The following DEFB112 variants were observed in gnomAD, a reference collection of about 807,000 sequenced individuals.
DEFB112 encodes the protein beta-defensin 112.
DEFB112 carries 2 observed loss-of-function variants against 1.1 expected under a neutral mutation model. The ratio of observed to expected loss-of-function variants is 1.85; its 90% confidence interval spans 0.76 to 5.83. The LOEUF is 5.83. DEFB112 is among the 30% of genes most tolerant of loss of function. The pLI, the probability that DEFB112 is intolerant of heterozygous loss-of-function variation, is 0.05. For synonymous variants in DEFB112, 40 were observed against 31.2 expected (o/e 1.28, Z -0.93); for missense variants, 120 against 94.4 (o/e 1.27, Z -1.12).
Position 50,042,936 on chromosome 6 carries a change from A to G in DEFB112, c.*639T>C, listed in dbSNP as rs1030534909. ...AAAACATGAAACAAAGCAAAACAAA[A>G]CAAAAAAGTTAATCATAATTTCACA... On this transcript the variant is annotated 3_prime_UTR_variant, in exon 2 of 2. Transcript: ENST00000651554. Among the ~76,000 whole-genome samples the G allele has an allele frequency of 1.3e-5, 2 of 152,038 alleles. No homozygotes were observed. The highest frequency in any genetic ancestry group is 4.8e-5 in the African/African-American group (2 of 41,440).
At chr6:50,047,303 G>A (rs997368274) in intron 1 of DEFB112, among the ~76,000 whole-genome samples, 1 of 152,172 alleles carries the variant, frequency 6.6e-6, no homozygotes, top group Non-Finnish European at 1.5e-5. Context: ...TGAGGCCATG[G>A]GGGCCTGCTC....
At chr6:50,043,881 A>G (rs1774789855) in intron 1 of DEFB112, 80 bp from the exon 2 acceptor site, 1 of 1,186,482 alleles carries the variant, frequency 8.4e-7, no homozygotes, top group Non-Finnish European at 1.2e-6. Flanking sequence ...GGGAGTAATC[A>G]CAGACAACAG....
intron 1 of DEFB112, among the ~76,000 whole-genome samples, chr6:50,045,779 T>C (rs190807558): frequency 1.4e-3 from 218 of 152,264 alleles, no homozygotes; most frequent in Non-Finnish European, 2.6e-3. Context: ...CTGAATACTT[T>C]AGGCAACTGT....
Position 50,043,657 on chromosome 6 carries a change from C to T in DEFB112, c.203G>A (p.Cys68Tyr). Residue 68 changes from cysteine (C) to tyrosine (Y), a missense_variant, in exon 2 of 2, where the codon TGT becomes TAT. By Grantham distance (194) the Cys-to-Tyr change is radical. Coordinates refer to ENST00000651554, the MANE Select transcript of DEFB112 (RefSeq NM_001369057.2). ...CCAATTATTTGGGTCCGTAGGGTCA[C>T]ATTCTGTCACGCAGCAATGAGTTGT... ...RPTTHCCVTE[C>Y]DPTDPNNWIP... The T allele has an allele frequency of 6.2e-7, 1 of 1,613,570 alleles. No individual in the cohort carries two copies. The highest frequency in any genetic ancestry group is 1.1e-5 in the South Asian group (1 of 91,068).
intron 1 of DEFB112, among the ~76,000 whole-genome samples, chr6:50,049,580 C>A (rs1216185886): frequency 1.3e-5 from 2 of 151,970 alleles, no homozygotes; most frequent in Non-Finnish European, 2.9e-5. Flanking sequence ...TACATATATG[C>A]ATATATATGA....
chr6:50,048,858 A>G (rs539482597), intron 1 of DEFB112, among the ~76,000 whole-genome samples: 3 of 152,292 alleles, frequency 2.0e-5, no homozygotes, highest in Non-Finnish European at 2.9e-5. Context: ...TTGGCTATTA[A>G]TAAGTTCACC....
chr6:50,043,880 C>T (rs1232239664), intron 1 of DEFB112, 79 bp from the exon 2 acceptor site: 16 of 1,203,496 alleles, frequency 1.3e-5, no homozygotes, highest in Non-Finnish European at 8.5e-6. Context: ...TGGGAGTAAT[C>T]ACAGACAACA....
chr6:50,043,436 A>G lies in DEFB112; in HGVS notation c.*139T>C. ...CTAAGCAAGCACAATGTTTATAAAA[A>G]TGTCCAGCTGAAATATATTTTATTT... On this transcript the variant is annotated 3_prime_UTR_variant, in exon 2 of 2. Transcript: ENST00000651554. The G allele has an allele frequency of 1.7e-6, 1 of 604,872 alleles. No individual in the cohort carries two copies. The highest frequency in any genetic ancestry group is 2.8e-6 in the Non-Finnish European group (1 of 355,716). 37.5% of individuals were successfully genotyped at this position (604,872 alleles called of 1,614,324 possible). A position where few individuals can be genotyped will look rare whatever the true frequency, so the allele number is the denominator to read the frequency against.
chr6:50,045,804 T>C (rs1345016309), intron 1 of DEFB112, among the ~76,000 whole-genome samples: 1 of 152,154 alleles, frequency 6.6e-6, no homozygotes, highest in African/African-American at 2.4e-5. Context: ...TAATGGTAAG[T>C]ATTTATGTAT....
At position 50,044,302 on chromosome 6, in the gene DEFB112, G is replaced by T. The variant is rs115997556; in HGVS notation, c.59-501C>A. On this transcript the variant is annotated intron_variant, in intron 1 of 1. Coordinates refer to ENST00000651554, the MANE Select transcript of DEFB112 (RefSeq NM_001369057.2). Reference sequence around the variant, plus strand: ...ATTTGCACCCTAGAGCCAAGCACAAGAGAAGTTTTGCTAAAAAAATAGACA... The same window carrying T: ...ATTTGCACCCTAGAGCCAAGCACAATAGAAGTTTTGCTAAAAAAATAGACA... 9.8e-3 allele frequency among the ~76,000 whole-genome samples: 1,486 copies of T among 152,090 alleles called. 32 individuals are homozygous for T. Among genetic ancestry groups the T allele is most frequent in the African/African-American group, 0.033 (1,350 of 41,514 alleles).
intron 1 of DEFB112, among the ~76,000 whole-genome samples, chr6:50,046,193 A>G (rs1774829723): frequency 2.0e-5 from 3 of 150,956 alleles, no homozygotes; most frequent in Admixed American, 2.0e-4. Flanking sequence ...CTTTATCAAG[A>G]CATAATTCCA....
At chr6:50,046,841 C>T (rs1424581419) in intron 1 of DEFB112, among the ~76,000 whole-genome samples, 3 of 152,086 alleles carry the variant, frequency 2.0e-5, no homozygotes, top group Admixed American at 1.3e-4. Context: ...GAGGGAAGAA[C>T]CTTTAAAGGC....
intron 1 of DEFB112, among the ~76,000 whole-genome samples, chr6:50,046,218 G>T (rs186675736): frequency 3.2e-3 from 241 of 74,616 alleles, no homozygotes; most frequent in Non-Finnish European, 5.4e-3. Context: ...GAATTGAGGA[G>T]CACTGTGTGT....
At chr6:50,048,164 A>G (rs1454998645) in intron 1 of DEFB112, among the ~76,000 whole-genome samples, 1 of 152,078 alleles carries the variant, frequency 6.6e-6, no homozygotes, top group Non-Finnish European at 1.5e-5. Context: ...AAAAAAATAA[A>G]TATGTCCAGC....
Position 50,044,152 on chromosome 6 carries a change from A to G in DEFB112, c.59-351T>C, listed in dbSNP as rs539307221. Reference sequence around the variant, plus strand: ...CTCTCATTTATTATTTATTCTTAGTACTGTTCTGTGGTAAATGTTCTCTTC... The same window carrying G: ...CTCTCATTTATTATTTATTCTTAGTGCTGTTCTGTGGTAAATGTTCTCTTC... On this transcript the variant is annotated intron_variant, in intron 1 of 1. Transcript: ENST00000651554. Among the ~76,000 whole-genome samples, 34 of 152,156 alleles carry G rather than the reference A, an allele frequency of 2.2e-4. 3 individuals are homozygous for G. The South Asian group carries it at 6.8e-3, about 31-fold the overall frequency.
In DEFB112 at chr6:50,043,083, A is replaced by C. The variant is rs1774772072; in HGVS notation, c.*492T>G. On this transcript the variant is annotated 3_prime_UTR_variant, in exon 2 of 2. Coordinates refer to ENST00000651554, the MANE Select transcript of DEFB112 (RefSeq NM_001369057.2). ...AAAAAAATCAGTTATTTTTATTTTC[A>C]TAATTCTTTCAAAAAAGAGAGAAAA... 6.6e-6 allele frequency among the ~76,000 whole-genome samples: 1 copy of C among 152,008 alleles called. No individual in the cohort carries two copies. The highest frequency in any genetic ancestry group is 2.1e-4 in the South Asian group (1 of 4,828).
At chr6:50,046,047 T>G (rs1774826461) in intron 1 of DEFB112, among the ~76,000 whole-genome samples, 1 of 152,110 alleles carries the variant, frequency 6.6e-6, no homozygotes, top group African/African-American at 2.4e-5. Context: ...CTCTTTATGT[T>G]AGATGATTTT....
In DEFB112 at chr6:50,043,741, C is replaced by G; in HGVS notation, c.119G>C (p.Gly40Ala). 2.5e-6 allele frequency: 4 copies of G among 1,613,454 alleles called. No individual in the cohort carries two copies. Among genetic ancestry groups the G allele is most frequent in the Non-Finnish European group, 3.4e-6 (4 of 1,179,546 alleles). Residue 40 changes from glycine (G) to alanine (A), a missense_variant, in exon 2 of 2, where the codon GGT (glycine) becomes GCT (alanine). By Grantham distance (60) the Gly-to-Ala change is moderately conservative. Coordinates refer to ENST00000651554, the MANE Select transcript of DEFB112 (RefSeq NM_001369057.2). ...SRWKSCTAIG[G>A]RCKNQCDDSE... The stretch of plus-strand genomic sequence containing the variant: ...ATCATCACATTGATTTTTACATCGA[C>G]CTCCAATCGCTGTACATGACTTCCA...
At position 50,043,667 on chromosome 6, in the gene DEFB112, C is replaced by T. The variant is rs146242544; in HGVS notation, c.193G>A (p.Val65Met). 3.1e-5 allele frequency: 50 copies of T among 1,613,522 alleles called. No individual in the cohort carries two copies. The African/African-American group carries it at 3.2e-4, about 10-fold the overall frequency. Residue 65 changes from valine (V) to methionine (M), a missense_variant, in exon 2 of 2, where the codon GTG (valine) becomes ATG (methionine). Val to Met is a conservative substitution (Grantham distance 21). Transcript: ENST00000651554. The stretch of plus-strand genomic sequence containing the variant: ...GGGTCCGTAGGGTCACATTCTGTCA[C>T]GCAGCAATGAGTTGTAGGTCTTGCA... ...YCARPTTHCC[V>M]TECDPTDPNN...
Sources: gnomAD v4.1 joint callset for allele counts (sites outside exome capture counted in the v4.1 genomes callset) on GRCh38, gnomAD v4.1.1 for gene constraint, MANE v1.5 for transcripts, NCBI Gene and HGNC (gene_info 2026-07-23, HGNC 2026-07-21) for gene names.